MRPL42: variants seen among roughly 807,000 people sequenced by gnomAD.
MRPL42 encodes large ribosomal subunit protein mL42.
MRPL42 carries 17 observed loss-of-function variants against 17.9 expected under a neutral mutation model. The ratio of observed to expected loss-of-function variants is 0.95; its 90% CI spans 0.65 to 1.42. The LOEUF is 1.42. Ranked by LOEUF, MRPL42 falls within the 40% of genes most tolerant of loss-of-function variation. The probability of loss-of-function intolerance (pLI) is 0.00; values close to 1 mark genes in which losing one functional copy is unlikely to be tolerated. For synonymous variants in MRPL42, 59 were observed against 54.4 expected, an observed-to-expected ratio of 1.08 and a Z score of -0.37; for missense variants, 177 against 175.2, an observed-to-expected ratio of 1.01 and a Z score of -0.06.
intron 2 of MRPL42, chr12:93,470,605 C>T (rs1349475671): frequency 5.9e-6 from 7 of 1,183,394 alleles, no homozygotes; most frequent in Non-Finnish European, 7.6e-6. Context: ...TTTTTCAACT[C>T]TTCCCTCCAT....
chr12:93,474,276 A>T (rs1221219228), intron 2 of MRPL42, among the ~76,000 whole-genome samples: 2 of 151,496 alleles, frequency 1.3e-5, no homozygotes, highest in Non-Finnish European at 2.9e-5. Context: ...GTTTTTTTTT[A>T]ATTTATATTT....
In MRPL42 at chr12:93,508,610, C is replaced by G. The variant is rs969331077; in HGVS notation, c.*7389C>G. On this transcript the variant is annotated 3_prime_UTR_variant, in exon 6 of 6. Coordinates refer to ENST00000549982, the MANE Select transcript of MRPL42 (RefSeq NM_014050.4). ...CCATTCTCTTCACAATAGTTGTCAC[C>G]AAAACGTAATCGATTTGTTTATGGG... 1 of 152,092 alleles carries G rather than the reference C, an allele frequency of 6.6e-6. No homozygotes were observed. The highest frequency in any genetic ancestry group is 1.5e-5 in the Non-Finnish European group (1 of 68,016). 9.4% of individuals were successfully genotyped at this position (152,092 alleles called of 1,614,324 possible).
Position 93,487,197 on chromosome 12 carries a change from A to T in MRPL42, c.220-300A>T, listed in dbSNP as rs182682234. On this transcript the variant is annotated intron_variant, in intron 4 of 5. Transcript: ENST00000549982. ...CCCATGCTTTGGAACTCCTGGGCTC[A>T]AGTGATTCTCCTGCCTTGGTTTCCC... 9.9e-5 allele frequency among the ~76,000 whole-genome samples: 15 copies of T among 152,258 alleles called. No homozygotes were observed. In the East Asian group the frequency reaches 2.3e-3, roughly 23 times the overall value.
At chr12:93,500,594 TAAA>T (rs1953571531) in intron 5 of MRPL42, among the ~76,000 whole-genome samples, 1 of 152,228 alleles carries the variant, frequency 6.6e-6, no homozygotes. Context: ...TAGCCCCTTG[TAAA>T]TAAAACTTTT....
intron 4 of MRPL42, among the ~76,000 whole-genome samples, chr12:93,481,273 T>C (rs1880446685): frequency 6.6e-6 from 1 of 152,168 alleles, no homozygotes; most frequent in African/African-American, 2.4e-5. Flanking sequence ...TTGACTCTAA[T>C]AGAAACCTGC....
chr12:93,495,458 C>G (rs530003147), intron 5 of MRPL42, among the ~76,000 whole-genome samples: 1 of 152,264 alleles, frequency 6.6e-6, no homozygotes, highest in South Asian at 2.1e-4. Flanking sequence ...TGGTCTCCAA[C>G]TGCTGGGCTC....
At position 93,501,334 on chromosome 12, in the gene MRPL42, T is replaced by A; in HGVS notation, c.*113T>A. The A allele has an allele frequency of 3.3e-6, 2 of 612,460 alleles. No individual in the cohort carries two copies. Among genetic ancestry groups the A allele is most frequent in the East Asian group, 6.9e-5 (2 of 29,036 alleles). 37.9% of individuals were successfully genotyped at this position (612,460 alleles called of 1,614,324 possible). A position where few individuals can be genotyped will look rare whatever the true frequency, so the allele number is the denominator to read the frequency against. On this transcript the variant is annotated 3_prime_UTR_variant, in exon 6 of 6. Coordinates refer to ENST00000549982, the MANE Select transcript of MRPL42 (RefSeq NM_014050.4). ...AAAGTAATAATGATAAAATATCTTT[T>A]CATATATTAGAATGTGTACTTTTAT...
Position 93,506,353 on chromosome 12 carries a change from C to T in MRPL42, c.*5132C>T, listed in dbSNP as rs1236698209. ...CATTCTCAGCTCACTGCAACCTCCA[C>T]CTCCCGGGTTCAAGCGATTCTCCTG... On this transcript the variant is annotated 3_prime_UTR_variant, in exon 6 of 6. Coordinates refer to ENST00000549982, the MANE Select transcript of MRPL42 (RefSeq NM_014050.4). The T allele has an allele frequency of 1.3e-5, 2 of 148,570 alleles. No individual in the cohort carries two copies. Among genetic ancestry groups the T allele is most frequent in the Non-Finnish European group, 2.9e-5 (2 of 67,900 alleles). 9.2% of individuals were successfully genotyped at this position (148,570 alleles called of 1,614,324 possible).
chr12:93,489,799 G>C (rs988782510), intron 5 of MRPL42, among the ~76,000 whole-genome samples: 2 of 152,208 alleles, frequency 1.3e-5, no homozygotes, highest in Non-Finnish European at 2.9e-5. Flanking sequence ...GCCTCCCAAA[G>C]TGCTGGGATT....
Position 93,501,309 on chromosome 12 carries a change from A to G in MRPL42, c.*88A>G. 4.8e-6 allele frequency: 4 copies of G among 835,482 alleles called. No homozygotes were observed. The highest frequency in any genetic ancestry group is 7.2e-6 in the Non-Finnish European group (4 of 556,632). 51.8% of individuals were successfully genotyped at this position (835,482 alleles called of 1,614,324 possible). A position where few individuals can be genotyped will look rare whatever the true frequency, so the allele number is the denominator to read the frequency against. ...TCTGGTGTATTCAGTAATATATAGT[A>G]AAGTAATAATGATAAAATATCTTTT... On this transcript the variant is annotated 3_prime_UTR_variant, in exon 6 of 6. Coordinates refer to ENST00000549982, the MANE Select transcript of MRPL42 (RefSeq NM_014050.4).
chr12:93,504,460 A>G lies in MRPL42; in HGVS notation c.*3239A>G, dbSNP rs1309227281. Reference sequence around the variant, plus strand: ...TGCCTGGCCTAAACTGCATACTCCTAACATCAGTATATAGAAATATTTTCT... The same window carrying G: ...TGCCTGGCCTAAACTGCATACTCCTGACATCAGTATATAGAAATATTTTCT... On this transcript the variant is annotated 3_prime_UTR_variant, in exon 6 of 6. Coordinates refer to ENST00000549982, the MANE Select transcript of MRPL42 (RefSeq NM_014050.4). 6.5e-6 allele frequency: 1 copy of G among 152,808 alleles called. No individual in the cohort carries two copies. Among genetic ancestry groups the G allele is most frequent in the Non-Finnish European group, 1.5e-5 (1 of 68,046 alleles). 9.5% of individuals were successfully genotyped at this position (152,808 alleles called of 1,614,324 possible).
chr12:93,475,647 A>G (rs1277176731), intron 2 of MRPL42, among the ~76,000 whole-genome samples: 3 of 152,194 alleles, frequency 2.0e-5, no homozygotes, highest in Non-Finnish European at 2.9e-5. Flanking sequence ...TATTAAAAGA[A>G]TACCCTTTTT....
rs1173858318 is a variant in MRPL42 at position 93,513,893 on chromosome 12, C to G, written c.*12672C>G. The G allele has an allele frequency of 2.0e-5, 3 of 152,162 alleles. No homozygotes were observed. Among genetic ancestry groups the G allele is most frequent in the Non-Finnish European group, 4.4e-5 (3 of 68,054 alleles). The allele number at this position is 152,162 out of a possible 1,614,324, so 9.4% of individuals were successfully genotyped here. On this transcript the variant is annotated 3_prime_UTR_variant, in exon 6 of 6. Transcript: ENST00000549982. ...TTAGACCGAGTCTTGCTCTGTCACC[C>G]CAGCTGGAGTGCAGTGGTGTGATCT...
At position 93,469,360 on chromosome 12, in the gene MRPL42, G is replaced by A. The variant is rs1378970965; in HGVS notation, c.70+5G>A. ...AACATTTATTTCCAGTCCAAAGTAAGTGAAATTTTTTTTAATGTTTAAAAA... is the reference window on the plus strand; with the variant it reads ...AACATTTATTTCCAGTCCAAAGTAAATGAAATTTTTTTTAATGTTTAAAAA... On this transcript the variant is annotated splice_donor_5th_base_variant and intron_variant, in intron 2 of 5. Coordinates refer to ENST00000549982, the MANE Select transcript of MRPL42 (RefSeq NM_014050.4). The A allele has an allele frequency of 1.3e-6, 2 of 1,586,976 alleles. No individual in the cohort carries two copies. The highest frequency in any genetic ancestry group is 2.3e-5 in the South Asian group (2 of 85,438).
At chr12:93,495,034 A>C (rs935107350) in intron 5 of MRPL42, among the ~76,000 whole-genome samples, 5 of 152,146 alleles carry the variant, frequency 3.3e-5, no homozygotes, top group African/African-American at 1.2e-4. Context: ...TTGCAGGGAA[A>C]AGGAGCCTGG....
chr12:93,485,189 G>T (rs1423114424), intron 4 of MRPL42, among the ~76,000 whole-genome samples: 3 of 138,526 alleles, frequency 2.2e-5, no homozygotes, highest in Admixed American at 1.5e-4. Flanking sequence ...TTGACACAGG[G>T]TCTGTCTGTG....
In MRPL42 at chr12:93,482,985, C is replaced by T. The variant is rs530091245; in HGVS notation, c.219+3513C>T. Among the ~76,000 whole-genome samples, 224 of 152,150 alleles carry T rather than the reference C, an allele frequency of 1.5e-3. 2 individuals are homozygous for T. Among genetic ancestry groups the T allele is most frequent in the African/African-American group, 5.0e-3 (207 of 41,492 alleles). Reference sequence around the variant, plus strand: ...TGTCTCATTGCAACCTCCATGCCTCCCCAGGTTCAAGCGATTCTTATGCCT... The same window carrying T: ...TGTCTCATTGCAACCTCCATGCCTCTCCAGGTTCAAGCGATTCTTATGCCT... On this transcript the variant is annotated intron_variant, in intron 4 of 5. Transcript: ENST00000549982.
At chr12:93,480,653 T>G (rs942645135) in intron 4 of MRPL42, among the ~76,000 whole-genome samples, 12 of 151,848 alleles carry the variant, frequency 7.9e-5, no homozygotes, top group African/African-American at 2.9e-4. Flanking sequence ...GCGATTCTCC[T>G]GTCTCAGCCT....
rs768670305 is a variant in MRPL42, at chr12:93,512,987, ATTAGT to A, written c.*11770_*11774del. On this transcript the variant is annotated 3_prime_UTR_variant, in exon 6 of 6. Coordinates refer to ENST00000549982, the MANE Select transcript of MRPL42 (RefSeq NM_014050.4). ...AAGTGAATATTCTGAGTATGCTGAA[ATTAGT>A]TTAAAAACTTTTTTTTCCCATTCCG... 23 of 152,196 alleles carry A rather than the reference ATTAGT, an allele frequency of 1.5e-4. No homozygotes were observed. The highest frequency in any genetic ancestry group is 2.8e-4 in the Non-Finnish European group (19 of 68,034). The allele number at this position is 152,196 out of a possible 1,614,324, so 9.4% of individuals were successfully genotyped here.
Sources: allele counts gnomAD v4.1 joint callset (sites outside exome capture counted in the v4.1 genomes callset), GRCh38; gene constraint gnomAD v4.1.1; transcripts MANE v1.5; gene names NCBI Gene and HGNC (gene_info 2026-07-23, HGNC 2026-07-21).